Variants in SSH2 observed in about 807,000 individuals in gnomAD.
SSH2 encodes protein phosphatase Slingshot homolog 2.
Under a neutral mutation model 135.2 loss-of-function variants are expected in SSH2, and 37 were observed. The observed-to-expected ratio is 0.27, with a 90% CI of 0.21 to 0.36. The LOEUF is 0.36. SSH2 is among the 10% of genes least tolerant of loss of function. SSH2 has a pLI of 1.00. For synonymous variants in SSH2, 628 were observed against 646.2 expected, an observed-to-expected ratio of 0.97 and a Z score of 0.43; for missense variants, 1,408 against 1,765.3, an observed-to-expected ratio of 0.80 and a Z score of 3.63.
At position 29,639,132 on chromosome 17, in the gene SSH2, C is replaced by T. The variant is rs564335324; in HGVS notation, c.1428-2330G>A. 2.2e-3 allele frequency among the ~76,000 whole-genome samples: 333 copies of T among 152,232 alleles called. 1 individual carries two copies. Among genetic ancestry groups the T allele is most frequent in the African/African-American group, 7.9e-3 (328 of 41,528 alleles). ...GAATCTCTGGGTAAAAATCATTAAG[C>T]TAAGGAGACACGTGGAAAAAGCAGG... On this transcript the variant is annotated intron_variant, in intron 14 of 15. Transcript: ENST00000540801.
chr17:29,796,680 T>G (rs1212750138), intron 2 of SSH2, among the ~76,000 whole-genome samples: 1 of 152,196 alleles, frequency 6.6e-6, no homozygotes, highest in Non-Finnish European at 1.5e-5. Flanking sequence ...TGTTTATTCA[T>G]CTATCTGTCC....
At chr17:29,682,933 G>C (rs528727105) in intron 6 of SSH2, among the ~76,000 whole-genome samples, 1 of 152,280 alleles carries the variant, frequency 6.6e-6, no homozygotes, top group African/African-American at 2.4e-5. Context: ...CTGTTAAGTG[G>C]TATACAAGCT....
At chr17:29,788,104 A>G (rs2042001389) in intron 3 of SSH2, among the ~76,000 whole-genome samples, 1 of 152,008 alleles carries the variant, frequency 6.6e-6, no homozygotes, top group African/African-American at 2.4e-5. Flanking sequence ...TTCTTTGCTT[A>G]TTTTTTAATT....
At chr17:29,658,485 C>A in intron 11 of SSH2, among the ~76,000 whole-genome samples, 1 of 152,128 alleles carries the variant, frequency 6.6e-6, no homozygotes, top group East Asian at 1.9e-4. Context: ...GGCTTGTATT[C>A]AATTTTAGAG....
chr17:29,727,300 G>A (rs2040034802), intron 3 of SSH2, among the ~76,000 whole-genome samples: 1 of 152,154 alleles, frequency 6.6e-6, no homozygotes, highest in Non-Finnish European at 1.5e-5. Context: ...TCGATCAAAA[G>A]AAGACAAGTG....
chr17:29,776,237 C>G (rs2041697432), intron 3 of SSH2: 1 of 152,198 alleles, frequency 6.6e-6, no homozygotes. Flanking sequence ...ATTCCTCTAA[C>G]ACTTTGGATT....
chr17:29,807,788 A>AATACC, intron 2 of SSH2, among the ~76,000 whole-genome samples: 1 of 136,654 alleles, frequency 7.3e-6, no homozygotes. Flanking sequence ...CAGGGAAGGT[A>AATACC]TTTATTAGCA....
intron 3 of SSH2, chr17:29,780,487 C>A (rs1319960663): frequency 6.8e-6 from 1 of 146,266 alleles, no homozygotes; most frequent in Non-Finnish European, 1.5e-5. Flanking sequence ...GGTTGGAGTG[C>A]GATCTTGGCT....
At chr17:29,838,824 T>C (rs940082908) in intron 2 of SSH2, 3 of 172,170 alleles carry the variant, frequency 1.7e-5, no homozygotes, top group Non-Finnish European at 3.6e-5. Context: ...CTTGTCTGCA[T>C]ACCTCACTCT....
intron 4 of SSH2, among the ~76,000 whole-genome samples, 193 bp from the exon 5 acceptor site, chr17:29,695,716 T>C (rs1349745872): frequency 1.3e-5 from 2 of 152,192 alleles, no homozygotes; most frequent in African/African-American, 2.4e-5. Flanking sequence ...TCTTAATACA[T>C]TTGCTTTTAG....
chr17:29,766,164 T>G (rs533425796), intron 3 of SSH2, among the ~76,000 whole-genome samples: 63 of 152,046 alleles, frequency 4.1e-4, no homozygotes, highest in Non-Finnish European at 7.6e-4. Context: ...ATTTGTTTTC[T>G]TTCATTACCC....
Position 29,913,343 on chromosome 17 carries a change from A to ATT in SSH2, c.63+16594_63+16595insAA, listed in dbSNP as rs2066804382. Among the ~76,000 whole-genome samples the ATT allele has an allele frequency of 4.1e-4, 18 of 43,446 alleles. 1 individual carries two copies. The highest frequency in any genetic ancestry group is 1.1e-3 in the Admixed American group (3 of 2,652). 28.5% of individuals were successfully genotyped at this position (43,446 alleles called of 152,430 possible). On this transcript the variant is annotated intron_variant, in intron 1 of 15. Coordinates refer to ENST00000540801, the MANE Select transcript of SSH2 (RefSeq NM_001282129.2). ...AAAAAAAAAAAAAAAAAAAAAAAAAAAAAAATATATATATATATATATATA... is the reference window on the plus strand; with the variant it reads ...AAAAAAAAAAAAAAAAAAAAAAAAAATTAAAAATATATATATATATATATATA...
At chr17:29,795,599 TAAAC>T (rs938200619) in intron 2 of SSH2, among the ~76,000 whole-genome samples, 4 of 152,190 alleles carry the variant, frequency 2.6e-5, no homozygotes, top group Admixed American at 2.6e-4. Context: ...AAGACTCAGA[TAAAC>T]AAATGTAAAT....
At chr17:29,728,821 G>A in intron 3 of SSH2, among the ~76,000 whole-genome samples, 1 of 152,166 alleles carries the variant, frequency 6.6e-6, no homozygotes, top group East Asian at 1.9e-4. Context: ...TTCAATAAAT[G>A]ATGTCAGAAA....
intron 3 of SSH2, among the ~76,000 whole-genome samples, chr17:29,732,265 A>G (rs1484837597): frequency 6.6e-6 from 1 of 152,228 alleles, no homozygotes; most frequent in Admixed American, 6.5e-5. Context: ...AGCATTCTAA[A>G]AAGTAGCAAG....
intron 1 of SSH2, chr17:29,855,916 G>A (rs977638418): frequency 1.6e-5 from 4 of 254,926 alleles, no homozygotes; most frequent in African/African-American, 4.6e-5. Context: ...AAGAAGAGGC[G>A]CTAGGTTGAC....
chr17:29,880,294 C>T (rs2066114185), intron 1 of SSH2, among the ~76,000 whole-genome samples: 1 of 152,134 alleles, frequency 6.6e-6, no homozygotes, highest in African/African-American at 2.4e-5. Flanking sequence ...CTAATTTTTT[C>T]TATTTTTTGT....
intron 11 of SSH2, among the ~76,000 whole-genome samples, chr17:29,661,327 G>A (rs1416927689): frequency 6.6e-6 from 1 of 152,136 alleles, no homozygotes; most frequent in Admixed American, 6.5e-5. Flanking sequence ...ACAATAAAGA[G>A]GATAGACAAA....
At chr17:29,743,720 A>G (rs1050336185) in intron 3 of SSH2, among the ~76,000 whole-genome samples, 18 of 152,192 alleles carry the variant, frequency 1.2e-4, no homozygotes, top group Non-Finnish European at 4.4e-5. Flanking sequence ...TCATCTTTAC[A>G]TTAGAGATAA....
Sources: allele counts gnomAD v4.1 joint callset (sites outside exome capture counted in the v4.1 genomes callset), GRCh38; gene constraint gnomAD v4.1.1; transcripts MANE v1.5; gene names NCBI Gene and HGNC (gene_info 2026-07-23, HGNC 2026-07-21).